Variants in MSRA observed in about 807,000 individuals in gnomAD.
MSRA encodes mitochondrial peptide methionine sulfoxide reductase.
A neutral mutation model predicts 31.3 loss-of-function variants in MSRA; 54 were observed. That is an observed-to-expected ratio of 1.73 (90% confidence interval 1.39 to 2.17). The LOEUF (loss-of-function observed/expected upper bound fraction) is 2.17. Ranked by LOEUF, MSRA falls within the 30% of genes most tolerant of loss-of-function variation. MSRA has a pLI of 0.00. For synonymous variants in MSRA, 169 were observed against 116.5 expected (o/e 1.45, Z -2.90); for missense variants, 507 against 300.9 (o/e 1.69, Z -5.07).
At chr8:10,235,413 A>G (rs1811859984) in intron 2 of MSRA, among the ~76,000 whole-genome samples, 1 of 152,166 alleles carries the variant, frequency 6.6e-6, no homozygotes, top group African/African-American at 2.4e-5. Context: ...CAAACCTTAG[A>G]GGTTAAAAAC....
chr8:10,356,392 C>A (rs909772107), intron 5 of MSRA, among the ~76,000 whole-genome samples: 1 of 152,186 alleles, frequency 6.6e-6, no homozygotes, highest in African/African-American at 2.4e-5. Context: ...TTGCTAGTCC[C>A]CCTAAGAGCC....
intron 3 of MSRA, among the ~76,000 whole-genome samples, chr8:10,280,651 A>T (rs1418485012): frequency 1.3e-5 from 2 of 152,232 alleles, no homozygotes; most frequent in Non-Finnish European, 2.9e-5. Flanking sequence ...TCTATGACTC[A>T]GCAATTCTAC....
intron 5 of MSRA, among the ~76,000 whole-genome samples, chr8:10,398,920 G>T (rs1176440380): frequency 2.0e-5 from 3 of 152,192 alleles, no homozygotes; most frequent in African/African-American, 7.2e-5. Flanking sequence ...CCAGCTTCCT[G>T]GCAGAAGCCC....
chr8:10,223,505 T>C (rs765572356), intron 2 of MSRA, among the ~76,000 whole-genome samples: 1 of 152,194 alleles, frequency 6.6e-6, no homozygotes, highest in Non-Finnish European at 1.5e-5. Flanking sequence ...TCGGCCACAT[T>C]TGGGCTTCAG....
intron 2 of MSRA, among the ~76,000 whole-genome samples, chr8:10,240,858 G>T (rs1190117880): frequency 1.3e-5 from 2 of 151,826 alleles, no homozygotes; most frequent in Non-Finnish European, 2.9e-5. Flanking sequence ...CCCCAAATCG[G>T]CCTTTCTCTC....
At chr8:10,243,327 G>A (rs910291626) in intron 2 of MSRA, among the ~76,000 whole-genome samples, 3 of 152,158 alleles carry the variant, frequency 2.0e-5, no homozygotes, top group African/African-American at 4.8e-5. Context: ...TTTATGTGCA[G>A]TGAAGCTGCT....
In MSRA at chr8:10,248,594, A is replaced by G. The variant is rs147308763; in HGVS notation, c.331+3371A>G. ...GAGAGAGTGTGGATGTGAGTGTAGAAGCAGTGTGTGTCCAGAGAGGGTGTG... is the reference window on the plus strand; with the variant it reads ...GAGAGAGTGTGGATGTGAGTGTAGAGGCAGTGTGTGTCCAGAGAGGGTGTG... On this transcript the variant is annotated intron_variant, in intron 3 of 5. Transcript: ENST00000317173. 3.3e-4 allele frequency among the ~76,000 whole-genome samples: 50 copies of G among 152,260 alleles called. No homozygotes were observed. In the East Asian group the frequency reaches 6.4e-3, roughly 19 times the overall value.
At chr8:10,259,371 C>T (rs190831455) in intron 3 of MSRA, among the ~76,000 whole-genome samples, 1 of 152,130 alleles carries the variant, frequency 6.6e-6, no homozygotes, top group Admixed American at 6.5e-5. Flanking sequence ...AAACAGAATG[C>T]AGTTACAAGA....
At chr8:10,419,866 G>T (rs1808705829) in intron 5 of MSRA, among the ~76,000 whole-genome samples, 1 of 152,194 alleles carries the variant, frequency 6.6e-6, no homozygotes, top group Non-Finnish European at 1.5e-5. Context: ...GGTTGGGCAG[G>T]AGAAAGAATG....
intron 3 of MSRA, among the ~76,000 whole-genome samples, chr8:10,276,413 G>C (rs1198107216): frequency 2.6e-5 from 4 of 152,186 alleles, no homozygotes; most frequent in African/African-American, 9.7e-5. Context: ...AAAACTGTCA[G>C]GCTTTCTTGT....
At chr8:10,259,270 A>G (rs754465737) in intron 3 of MSRA, among the ~76,000 whole-genome samples, 20 of 152,212 alleles carry the variant, frequency 1.3e-4, no homozygotes, top group Non-Finnish European at 2.4e-4. Flanking sequence ...GGCTGTAGCA[A>G]GGTGACAAAA....
chr8:10,193,405 G>A (rs535113378), intron 1 of MSRA, among the ~76,000 whole-genome samples: 2 of 152,286 alleles, frequency 1.3e-5, no homozygotes, highest in East Asian at 1.9e-4. Flanking sequence ...CAGACACTGC[G>A]GTAATTTTAT....
chr8:10,349,110 A>C (rs1429974481), intron 5 of MSRA, among the ~76,000 whole-genome samples: 2 of 152,262 alleles, frequency 1.3e-5, no homozygotes, highest in Non-Finnish European at 2.9e-5. Context: ...ACATGATTAG[A>C]TAATGCAAAT....
intron 5 of MSRA, among the ~76,000 whole-genome samples, chr8:10,339,566 G>T (rs1376422193): frequency 8.1e-6 from 1 of 122,884 alleles, no homozygotes; most frequent in Non-Finnish European, 1.6e-5. Context: ...TTCTGAGACG[G>T]AATCTCGTTC....
intron 1 of MSRA, among the ~76,000 whole-genome samples, chr8:10,142,150 GT>G (rs1802774311): frequency 6.6e-6 from 1 of 152,154 alleles, no homozygotes; most frequent in Non-Finnish European, 1.5e-5. Flanking sequence ...TAGAGACGGG[GT>G]TTCTCCATGT....
chr8:10,316,785 C>G (rs1801752481), intron 4 of MSRA, among the ~76,000 whole-genome samples: 1 of 152,162 alleles, frequency 6.6e-6, no homozygotes, highest in South Asian at 2.1e-4. Flanking sequence ...GAGGTGTCAC[C>G]TGGATAATAA....
chr8:10,292,838 A>T (rs1003357638), intron 3 of MSRA, among the ~76,000 whole-genome samples: 2 of 152,046 alleles, frequency 1.3e-5, no homozygotes, highest in Non-Finnish European at 2.9e-5. Context: ...CAGGCTGGGG[A>T]CAGCAGGAGC....
intron 2 of MSRA, among the ~76,000 whole-genome samples, chr8:10,222,463 TACA>T (rs1241783311): frequency 7.2e-5 from 11 of 152,294 alleles, no homozygotes; most frequent in South Asian, 4.1e-4. Flanking sequence ...TAAAAAAATT[TACA>T]ACAAGACTAT....
At chr8:10,260,221 A>T (rs1798401536) in intron 3 of MSRA, among the ~76,000 whole-genome samples, 1 of 152,206 alleles carries the variant, frequency 6.6e-6, no homozygotes, top group African/African-American at 2.4e-5. Flanking sequence ...GTCCAGTTGC[A>T]GCAGAATAAA....
Sources: allele counts gnomAD v4.1 joint callset (sites outside exome capture counted in the v4.1 genomes callset), GRCh38; gene constraint gnomAD v4.1.1; transcripts MANE v1.5; gene names NCBI Gene and HGNC (gene_info 2026-07-23, HGNC 2026-07-21).